The following EXOC4 variants were observed in gnomAD, a reference collection of about 807,000 sequenced individuals.
The protein encoded by EXOC4 is exocyst complex component 4.
EXOC4 carries 71 observed loss-of-function variants against 107.2 expected under a neutral mutation model. That is an observed-to-expected ratio of 0.66 (90% CI 0.55 to 0.81). The LOEUF is 0.81. EXOC4 is among the 30% of genes least tolerant of loss of function. The pLI, the probability that EXOC4 is intolerant of heterozygous loss-of-function variation, is 0.00. For synonymous variants in EXOC4, 456 were observed against 441.2 expected (o/e 1.03, Z -0.42); for missense variants, 1,108 against 1,189.6 (o/e 0.93, Z 1.01).
intron 15 of EXOC4, among the ~76,000 whole-genome samples, chr7:134,003,941 G>A (rs923267911): frequency 2.0e-5 from 3 of 152,094 alleles, no homozygotes; most frequent in Admixed American, 6.6e-5. Context: ...GACTGACACA[G>A]GCCATTTTCA....
intron 17 of EXOC4, among the ~76,000 whole-genome samples, chr7:134,041,339 T>G (rs1806667): frequency 0.2 from 30,603 of 152,100 alleles, 3,706 homozygotes; most frequent in East Asian, 0.42. Flanking sequence ...GGCATAAGGT[T>G]TAGATAATTT....
At chr7:133,491,664 C>T (rs1799373684) in intron 9 of EXOC4, among the ~76,000 whole-genome samples, 2 of 152,132 alleles carry the variant, frequency 1.3e-5, no homozygotes, top group Non-Finnish European at 2.9e-5. Context: ...ACATTTTCTG[C>T]GTGCAGAGGG....
At chr7:133,783,355 T>C (rs150888069) in intron 10 of EXOC4, among the ~76,000 whole-genome samples, 1 of 152,296 alleles carries the variant, frequency 6.6e-6, no homozygotes, top group East Asian at 1.9e-4. Flanking sequence ...AAAGAGTAGA[T>C]CATCATCTCA....
intron 1 of EXOC4, among the ~76,000 whole-genome samples, chr7:133,265,298 C>T (rs865994148): frequency 1.6e-4 from 24 of 151,924 alleles, no homozygotes; most frequent in African/African-American, 5.6e-4. Context: ...ATCAGGATAA[C>T]CCCTTCTCTA....
intron 12 of EXOC4, among the ~76,000 whole-genome samples, chr7:133,916,772 C>T (rs989857952): frequency 1.3e-5 from 2 of 152,140 alleles, no homozygotes; most frequent in Non-Finnish European, 2.9e-5. Flanking sequence ...AATTGGCACT[C>T]CTTTCATAAA....
chr7:133,712,951 G>A (rs777644589), intron 10 of EXOC4, among the ~76,000 whole-genome samples: 6 of 152,218 alleles, frequency 3.9e-5, no homozygotes, highest in Admixed American at 1.3e-4. Flanking sequence ...AGGGGCTAGG[G>A]AAAGGGGACA....
At chr7:133,941,267 G>A (rs1415854681) in intron 14 of EXOC4, among the ~76,000 whole-genome samples, 1 of 152,158 alleles carries the variant, frequency 6.6e-6, no homozygotes, top group East Asian at 1.9e-4. Context: ...AAAGTGCTGG[G>A]ATTACAGGCA....
chr7:133,725,848 G>A (rs1795203916), intron 10 of EXOC4, among the ~76,000 whole-genome samples: 1 of 152,158 alleles, frequency 6.6e-6, no homozygotes, highest in Non-Finnish European at 1.5e-5. Context: ...GCGATGACCA[G>A]GCTTATTTCA....
chr7:133,841,954 G>C (rs1798032549), intron 11 of EXOC4, among the ~76,000 whole-genome samples: 2 of 152,142 alleles, frequency 1.3e-5, no homozygotes, highest in East Asian at 3.8e-4. Flanking sequence ...TAGGATGATG[G>C]CCTCTGGCTC....
At chr7:133,484,086 A>C (rs1191671121) in intron 9 of EXOC4, 4 of 1,613,646 alleles carry the variant, frequency 2.5e-6, no homozygotes, top group Non-Finnish European at 3.4e-6. Context: ...AGTAACATTA[A>C]AAAGCTCAAA....
chr7:133,620,817 T>G (rs770559377), intron 9 of EXOC4, among the ~76,000 whole-genome samples: 5 of 152,122 alleles, frequency 3.3e-5, no homozygotes, highest in Admixed American at 1.3e-4. Context: ...ATCTGGAGAA[T>G]CAGTTAAAGA....
intron 17 of EXOC4, among the ~76,000 whole-genome samples, chr7:134,063,795 C>T (rs866108652): frequency 6.6e-6 from 1 of 152,082 alleles, no homozygotes; most frequent in African/African-American, 2.4e-5. Flanking sequence ...GTGCTTTATA[C>T]GTATTAATTA....
chr7:134,027,277 G>A (rs983934850), intron 17 of EXOC4, among the ~76,000 whole-genome samples: 1 of 152,072 alleles, frequency 6.6e-6, no homozygotes, highest in Non-Finnish European at 1.5e-5. Flanking sequence ...GGAAACAGAA[G>A]CGAAATATTC....
In EXOC4 at chr7:133,895,626, C is replaced by G. The variant is rs772477021; in HGVS notation, c.1762C>G (p.Gln588Glu). Residue 588 changes from glutamine (Q) to glutamate (E), a missense_variant, in exon 12 of 18, where the codon CAA becomes GAA. Gln to Glu is a conservative substitution (Grantham distance 29). Transcript: ENST00000253861. ...CACAATCATTGTGGAGAAGACAGTT[C>G]AAGACCTCCTGAACCTGATGCATGA... ...QSTIIVEKTV[Q>E]DLLNLMHDLS... 1.2e-6 allele frequency: 2 copies of G among 1,613,950 alleles called. No homozygotes were observed. The highest frequency in any genetic ancestry group is 1.3e-5 in the African/African-American group (1 of 74,916).
intron 11 of EXOC4, among the ~76,000 whole-genome samples, chr7:133,822,217 G>A (rs187164293): frequency 1.3e-5 from 2 of 152,320 alleles, no homozygotes; most frequent in African/African-American, 4.8e-5. Flanking sequence ...TCTGGAAACA[G>A]TCCATTGAAG....
rs764703832 is a variant in EXOC4, at chr7:133,917,723, A to G, written c.2012A>G (p.Glu671Gly). 26 of 1,613,932 alleles carry G rather than the reference A, an allele frequency of 1.6e-5. No homozygotes were observed. The highest frequency in any genetic ancestry group is 4.0e-5 in the African/African-American group (3 of 74,932). ...CAGCTGAGGCCAAAAAGAGAGGAGG[A>G]AGAAGATTTCATAAGGTAAAAGGTC... Reference protein sequence around the residue: ...PKQLRPKREEEEDFIRAAFGK... With the variant: ...PKQLRPKREEGEDFIRAAFGK... Residue 671 changes from glutamate (E) to glycine (G), a missense_variant, in exon 13 of 18, where the codon GAA becomes GGA. Coordinates refer to ENST00000253861, the MANE Select transcript of EXOC4 (RefSeq NM_021807.4).
chr7:133,779,356 T>A (rs144119260), intron 10 of EXOC4, among the ~76,000 whole-genome samples: 1 of 152,294 alleles, frequency 6.6e-6, no homozygotes, highest in East Asian at 1.9e-4. Flanking sequence ...TTTGCCGCAG[T>A]GTTGAGAAGT....
At chr7:133,913,084 C>T (rs1799732523) in intron 12 of EXOC4, among the ~76,000 whole-genome samples, 1 of 152,114 alleles carries the variant, frequency 6.6e-6, no homozygotes, top group Non-Finnish European at 1.5e-5. Context: ...GAGAAAAAGG[C>T]TTTCTAGGCT....
chr7:133,260,960 G>A (rs536104471), intron 1 of EXOC4, among the ~76,000 whole-genome samples: 3 of 152,194 alleles, frequency 2.0e-5, no homozygotes, highest in African/African-American at 7.2e-5. Context: ...GTGTTGCTAT[G>A]CTGGTTCACT....
Sources: gnomAD v4.1 joint callset for allele counts (sites outside exome capture counted in the v4.1 genomes callset) on GRCh38, gnomAD v4.1.1 for gene constraint, MANE v1.5 for transcripts, NCBI Gene and HGNC (gene_info 2026-07-23, HGNC 2026-07-21) for gene names.